CDH13: variants seen among roughly 807,000 people sequenced by gnomAD.
CDH13 encodes cadherin-13.
Under a neutral mutation model 63.8 loss-of-function variants are expected in CDH13, and 24 were observed. The ratio of observed to expected loss-of-function variants is 0.38; its 90% CI spans 0.27 to 0.53. The LOEUF is 0.53. CDH13 is among the 20% of genes least tolerant of loss of function. CDH13 has a pLI of 0.85. For synonymous variants in CDH13, 503 were observed against 355.3 expected (o/e 1.42, Z -4.67); for missense variants, 1,049 against 903.1 (o/e 1.16, Z -2.07).
chr16:83,164,219 G>A (rs28671263), intron 4 of CDH13, among the ~76,000 whole-genome samples: 21,838 of 151,956 alleles, frequency 0.14, 1,732 homozygotes, highest in Middle Eastern at 0.22. Flanking sequence ...ACCTGTAGAA[G>A]TAGGCATGAT....
At chr16:83,163,438 C>T (rs1597446261) in intron 4 of CDH13, among the ~76,000 whole-genome samples, 1 of 152,060 alleles carries the variant, frequency 6.6e-6, no homozygotes, top group Admixed American at 6.6e-5. Context: ...TTGTGAACCG[C>T]CCGCTAACCT....
At chr16:82,978,926 C>G (rs1002506088) in intron 2 of CDH13, among the ~76,000 whole-genome samples, 1 of 152,186 alleles carries the variant, frequency 6.6e-6, no homozygotes, top group Admixed American at 6.5e-5. Flanking sequence ...ACACTCAAAG[C>G]TAGCCATGAA....
chr16:83,197,955 A>G (rs1447449616), intron 4 of CDH13, among the ~76,000 whole-genome samples: 1 of 152,188 alleles, frequency 6.6e-6, no homozygotes, highest in African/African-American at 2.4e-5. Context: ...GTAAAAGAGT[A>G]TTTTTTGCAA....
chr16:83,301,205 G>T (rs1439759461), intron 5 of CDH13, among the ~76,000 whole-genome samples: 2 of 151,436 alleles, frequency 1.3e-5, no homozygotes, highest in Non-Finnish European at 2.9e-5. Flanking sequence ...CTAATTTTTT[G>T]TATTTTTAGT....
intron 6 of CDH13, among the ~76,000 whole-genome samples, chr16:83,471,319 G>A (rs1275558589): frequency 1.6e-5 from 2 of 126,402 alleles, no homozygotes; most frequent in Non-Finnish European, 3.1e-5. Context: ...CTGTCACCCA[G>A]GCTGGAGTGC....
At chr16:83,707,072 G>C (rs1410992237) in intron 10 of CDH13, among the ~76,000 whole-genome samples, 1 of 152,196 alleles carries the variant, frequency 6.6e-6, no homozygotes, top group Admixed American at 6.5e-5. Flanking sequence ...ATCTACTCTG[G>C]ACATTTGCAG....
At chr16:83,673,003 C>T (rs1914647506) in intron 9 of CDH13, among the ~76,000 whole-genome samples, 1 of 152,164 alleles carries the variant, frequency 6.6e-6, no homozygotes. Context: ...TGCCATTGCC[C>T]AATACATTAG....
rs139578203 is a variant in CDH13 at position 83,112,972 on chromosome 16, A to G, written c.367-12413A>G. 7.4e-3 allele frequency among the ~76,000 whole-genome samples: 1,134 copies of G among 152,324 alleles called. 8 individuals are homozygous for G. The highest frequency in any genetic ancestry group is 0.026 in the African/African-American group (1,083 of 41,554). ...CATGTGGAACTCATGTCTGGTACAC[A>G]TGATTCTAGGAACTGGTGGTGTTTG... On this transcript the variant is annotated intron_variant, in intron 3 of 13. Transcript: ENST00000567109.
chr16:83,320,583 T>A (rs2090201143), intron 5 of CDH13, among the ~76,000 whole-genome samples: 1 of 152,204 alleles, frequency 6.6e-6, no homozygotes, highest in East Asian at 1.9e-4. Context: ...TCACCTCAAT[T>A]AGAGCAAACA....
rs149449128 is a variant in CDH13, at chr16:83,567,482, G to A, written c.961-34972G>A. 2.0e-3 allele frequency among the ~76,000 whole-genome samples: 309 copies of A among 152,302 alleles called. 1 individual carries two copies. Among genetic ancestry groups the A allele is most frequent in the African/African-American group, 5.9e-3 (244 of 41,566 alleles). ...TTGCATAAGACTTCGCTAGTAAATG[G>A]CAGAGCTGGTGCATGTGAAAATTTC... is the stretch of plus-strand genomic sequence containing the variant. On this transcript the variant is annotated intron_variant, in intron 7 of 13. Coordinates refer to ENST00000567109, the MANE Select transcript of CDH13 (RefSeq NM_001257.5).
chr16:83,697,390 C>G (rs1218930061), intron 10 of CDH13, among the ~76,000 whole-genome samples: 5 of 152,166 alleles, frequency 3.3e-5, no homozygotes, highest in African/African-American at 9.7e-5. Context: ...TGGCGTTGAG[C>G]ACAGTGCGGA....
chr16:83,232,661 C>T (rs2040036847), intron 5 of CDH13, among the ~76,000 whole-genome samples: 1 of 152,080 alleles, frequency 6.6e-6, no homozygotes, highest in South Asian at 2.1e-4. Context: ...TTGTAAGTTT[C>T]CTGAGTCCTC....
intron 1 of CDH13, among the ~76,000 whole-genome samples, chr16:82,835,157 C>G (rs2038712126): frequency 6.6e-6 from 1 of 152,184 alleles, no homozygotes; most frequent in Non-Finnish European, 1.5e-5. Flanking sequence ...ATTTTACATT[C>G]TTTTTTCATA....
intron 7 of CDH13, among the ~76,000 whole-genome samples, chr16:83,551,698 G>A (rs1031629126): frequency 4.6e-5 from 7 of 151,940 alleles, no homozygotes; most frequent in African/African-American, 1.7e-4. Context: ...TCTGATTCTT[G>A]TCCTCCCTTG....
intron 6 of CDH13, among the ~76,000 whole-genome samples, chr16:83,455,736 T>A (rs1198533493): frequency 6.6e-6 from 1 of 152,232 alleles, no homozygotes; most frequent in African/African-American, 2.4e-5. Context: ...GGACAACTGT[T>A]CCTGCTTTCC....
At chr16:83,522,932 C>G (rs2074873875) in intron 7 of CDH13, among the ~76,000 whole-genome samples, 1 of 152,236 alleles carries the variant, frequency 6.6e-6, no homozygotes, top group Non-Finnish European at 1.5e-5. Context: ...CACCAAGTCC[C>G]TTTCAGACTC....
chr16:83,069,363 C>T (rs1030566897), intron 3 of CDH13, among the ~76,000 whole-genome samples: 1 of 152,100 alleles, frequency 6.6e-6, no homozygotes, highest in Non-Finnish European at 1.5e-5. Context: ...TAAATATGAT[C>T]ACATAATTTT....
chr16:83,697,649 C>T (rs981669123), intron 10 of CDH13, among the ~76,000 whole-genome samples: 31 of 152,282 alleles, frequency 2.0e-4, no homozygotes, highest in Admixed American at 4.6e-4. Context: ...GTATTCTTCC[C>T]GAGAGCAATG....
chr16:83,367,217 T>G (rs1407170044), intron 6 of CDH13, among the ~76,000 whole-genome samples: 1 of 152,234 alleles, frequency 6.6e-6, no homozygotes, highest in Non-Finnish European at 1.5e-5. Context: ...ATAAATGCAG[T>G]CATGCAATAT....
Sources: allele counts gnomAD v4.1 joint callset (sites outside exome capture counted in the v4.1 genomes callset), GRCh38; gene constraint gnomAD v4.1.1; transcripts MANE v1.5; gene names NCBI Gene and HGNC (gene_info 2026-07-23, HGNC 2026-07-21).